The following NRXN1 variants were observed in gnomAD, a reference collection of about 807,000 sequenced individuals.
The protein encoded by NRXN1 is neurexin-1.
In NRXN1, 39 loss-of-function variants were observed where a neutral mutation model predicts 150.9. The ratio of observed to expected loss-of-function variants is 0.26; its 90% CI spans 0.20 to 0.34. The LOEUF (loss-of-function observed/expected upper bound fraction) is 0.34, where lower values mean the gene tolerates loss of function less well. Ranked by LOEUF, NRXN1 falls within the 10% of genes least tolerant of loss-of-function variation. NRXN1 has a pLI of 1.00. For synonymous variants in NRXN1, 924 were observed against 757.0 expected (o/e 1.22, Z -3.62); for missense variants, 1,815 against 1,949.9 (o/e 0.93, Z 1.30).
intron 21 of NRXN1, among the ~76,000 whole-genome samples, chr2:50,043,429 G>A (rs1691323381): frequency 6.6e-6 from 1 of 152,180 alleles, no homozygotes; most frequent in Non-Finnish European, 1.5e-5. Context: ...GCACGGAAAA[G>A]TCAGACTTGG....
intron 5 of NRXN1, among the ~76,000 whole-genome samples, chr2:50,872,060 GA>G (rs1467940297): frequency 6.6e-6 from 1 of 151,756 alleles, no homozygotes; most frequent in Non-Finnish European, 1.5e-5. Context: ...CTACTACTCA[GA>G]GACAACTACC....
intron 2 of NRXN1, among the ~76,000 whole-genome samples, chr2:50,997,205 T>C (rs893579868): frequency 6.6e-6 from 1 of 151,772 alleles, no homozygotes; most frequent in South Asian, 2.1e-4. Flanking sequence ...CCTTCAGAAG[T>C]ATTGCTCCAC....
chr2:50,259,317 G>C (rs2152908598), intron 17 of NRXN1, among the ~76,000 whole-genome samples: 1 of 151,928 alleles, frequency 6.6e-6, no homozygotes, highest in South Asian at 2.1e-4. Flanking sequence ...CATCAGGACT[G>C]TTGCTTCAAC....
intron 5 of NRXN1, among the ~76,000 whole-genome samples, chr2:50,852,112 T>C (rs1377041277): frequency 2.0e-5 from 3 of 152,162 alleles, no homozygotes; most frequent in Admixed American, 2.0e-4. Flanking sequence ...AAGTTCTTGA[T>C]ACCCTTGGGA....
intron 18 of NRXN1, among the ~76,000 whole-genome samples, chr2:50,177,225 T>A (rs545186870): frequency 4.5e-4 from 69 of 152,204 alleles, no homozygotes; most frequent in Admixed American, 1.2e-3. Context: ...TTATACCCAA[T>A]AGGTAATTTT....
chr2:50,599,018 C>G (rs979061740), intron 8 of NRXN1, among the ~76,000 whole-genome samples: 1 of 151,972 alleles, frequency 6.6e-6, no homozygotes, highest in African/African-American at 2.4e-5. Flanking sequence ...GTGATCCACT[C>G]GCCTCAGCCT....
intron 17 of NRXN1, among the ~76,000 whole-genome samples, chr2:50,308,075 G>C (rs1027423174): frequency 1.3e-5 from 2 of 152,140 alleles, no homozygotes; most frequent in African/African-American, 4.8e-5. Context: ...ACAGTTACCA[G>C]TTACGGTTAC....
At chr2:50,882,668 G>A (rs1445045354) in intron 5 of NRXN1, among the ~76,000 whole-genome samples, 2 of 151,798 alleles carry the variant, frequency 1.3e-5, no homozygotes, top group Non-Finnish European at 2.9e-5. Context: ...CATCAGTAGT[G>A]TTCTCAATTC....
chr2:50,654,828 C>G (rs559244534), intron 5 of NRXN1, among the ~76,000 whole-genome samples: 192 of 152,148 alleles, frequency 1.3e-3, no homozygotes, highest in African/African-American at 4.3e-3. Context: ...TAAATGTCTT[C>G]TTTTGAGAAG....
intron 5 of NRXN1, among the ~76,000 whole-genome samples, chr2:50,651,567 A>C (rs1462701716): frequency 6.6e-6 from 1 of 151,980 alleles, no homozygotes; most frequent in Non-Finnish European, 1.5e-5. Context: ...GGCAGGAGGG[A>C]GGATTGCTTG....
chr2:50,701,569 ATGATTAC>A (rs1318409735), intron 5 of NRXN1, among the ~76,000 whole-genome samples: 1 of 152,158 alleles, frequency 6.6e-6, no homozygotes, highest in African/African-American at 2.4e-5. Context: ...CTGTTAGCAC[ATGATTAC>A]CTACCATCAT....
intron 5 of NRXN1, among the ~76,000 whole-genome samples, chr2:50,886,455 T>TA (rs1453962094): frequency 1.3e-5 from 2 of 151,332 alleles, no homozygotes; most frequent in African/African-American, 4.8e-5. Context: ...TTTCTAATTT[T>TA]AAAAAAGGAA....
intron 8 of NRXN1, among the ~76,000 whole-genome samples, chr2:50,562,585 T>C (rs1051438327): frequency 2.6e-5 from 4 of 152,182 alleles, no homozygotes; most frequent in African/African-American, 9.6e-5. Context: ...GTATGATATA[T>C]GTATTATTTT....
At chr2:49,972,582 A>G (rs1028094598) in intron 21 of NRXN1, 1 of 152,210 alleles carries the variant, frequency 6.6e-6, no homozygotes, top group African/African-American at 2.4e-5. Context: ...AACTAAAATA[A>G]TACAATAGCC....
At chr2:50,648,855 T>G (rs1685182821) in intron 5 of NRXN1, among the ~76,000 whole-genome samples, 1 of 152,014 alleles carries the variant, frequency 6.6e-6, no homozygotes, top group African/African-American at 2.4e-5. Context: ...TCATAGAACT[T>G]TTGGCCCTTC....
intron 5 of NRXN1, among the ~76,000 whole-genome samples, chr2:50,753,955 A>ATTTTT (rs11450042): frequency 1.9e-5 from 2 of 107,600 alleles, no homozygotes; most frequent in African/African-American, 7.7e-5. Flanking sequence ...CATCATGACG[A>ATTTTT]TTTTTTTTTG....
chr2:51,023,168 C>A (rs1391718549), intron 2 of NRXN1, among the ~76,000 whole-genome samples: 1 of 151,986 alleles, frequency 6.6e-6, no homozygotes, highest in African/African-American at 2.4e-5. Context: ...GAAAATGTTT[C>A]CTCTTTCTCC....
chr2:50,520,092 A>T (rs1196485728), intron 12 of NRXN1, among the ~76,000 whole-genome samples: 1 of 152,002 alleles, frequency 6.6e-6, no homozygotes, highest in Non-Finnish European at 1.5e-5. Flanking sequence ...TAAGTACATA[A>T]TGTGCCAAGT....
intron 21 of NRXN1, among the ~76,000 whole-genome samples, chr2:50,016,202 C>G (rs6730936): frequency 0.16 from 23,854 of 151,952 alleles, 2,628 homozygotes; most frequent in African/African-American, 0.31. Flanking sequence ...GTCCAGACAC[C>G]AGTTACAGGA....
Sources: allele counts gnomAD v4.1 joint callset (sites outside exome capture counted in the v4.1 genomes callset), GRCh38; gene constraint gnomAD v4.1.1; transcripts MANE v1.5; gene names NCBI Gene and HGNC (gene_info 2026-07-23, HGNC 2026-07-21).